EXOC6: variants seen among roughly 807,000 people sequenced by gnomAD.
EXOC6 encodes exocyst complex component 6.
In EXOC6, 60 loss-of-function variants were observed where a neutral mutation model predicts 112.5. The observed-to-expected ratio is 0.53, with a 90% CI of 0.43 to 0.66. EXOC6 has a LOEUF of 0.66. EXOC6 is among the 30% of genes least tolerant of loss of function. The pLI is 0.00. For missense variants in EXOC6, 855 were observed against 957.1 expected (o/e 0.89, Z 1.41); for synonymous variants, 295 against 308.0 (o/e 0.96, Z 0.44).
chr10:92,939,431 CA>C (rs1308594354), intron 12 of EXOC6, among the ~76,000 whole-genome samples: 1 of 151,332 alleles, frequency 6.6e-6, no homozygotes, highest in Admixed American at 6.6e-5. Context: ...GTGTGTGTGG[CA>C]GGGGTGGGGT....
At chr10:92,853,787 G>C (rs1006231683) in intron 1 of EXOC6, among the ~76,000 whole-genome samples, 4 of 152,066 alleles carry the variant, frequency 2.6e-5, no homozygotes, top group African/African-American at 7.2e-5. Flanking sequence ...AAGACTACTA[G>C]AAAACATAGG....
chr10:93,058,465 GAGAAGATAC>G lies in EXOC6; in HGVS notation c.*112_*120del. The G allele has an allele frequency of 2.3e-6, 2 of 860,176 alleles. No individual in the cohort carries two copies. The highest frequency in any genetic ancestry group is 6.1e-5 in the South Asian group (2 of 32,930). The allele number at this position is 860,176 out of a possible 1,614,324, so 53.3% of individuals were successfully genotyped here. On this transcript the variant is annotated 3_prime_UTR_variant, in exon 22 of 22. Transcript: ENST00000260762. ...GTTTACAGAATCCAAAAATACAATA[GAGAAGATAC>G]ATGAGGGCTTAAACAAGAAATAGTA...
At chr10:92,840,253 A>G (rs1005499861) in intron 1 of EXOC6, among the ~76,000 whole-genome samples, 1 of 152,192 alleles carries the variant, frequency 6.6e-6, no homozygotes, top group South Asian at 2.1e-4. Context: ...TTATAAATGT[A>G]AGATTTGTAT....
chr10:92,849,248 G>A (rs1847209225), intron 1 of EXOC6, among the ~76,000 whole-genome samples: 1 of 152,188 alleles, frequency 6.6e-6, no homozygotes, highest in African/African-American at 2.4e-5. Context: ...GCTGCTTGCT[G>A]CTTGGGAACA....
At chr10:92,956,904 T>C (rs541504828) in intron 17 of EXOC6, among the ~76,000 whole-genome samples, 1 of 152,200 alleles carries the variant, frequency 6.6e-6, no homozygotes, top group South Asian at 2.1e-4. Flanking sequence ...ATGATTATTA[T>C]GAGGAGTAAG....
At chr10:93,054,011 G>A (rs773873670) in intron 20 of EXOC6, among the ~76,000 whole-genome samples, 3 of 152,174 alleles carry the variant, frequency 2.0e-5, no homozygotes, top group East Asian at 1.9e-4. Context: ...TAGACTGAGC[G>A]GAATGAGCAG....
intron 1 of EXOC6, among the ~76,000 whole-genome samples, chr10:92,828,696 G>C (rs1276021989): frequency 3.6e-4 from 7 of 19,480 alleles, no homozygotes; most frequent in East Asian, 3.9e-4. Flanking sequence ...GTGTCTGTGT[G>C]TGTGTGTGTG....
intron 17 of EXOC6, among the ~76,000 whole-genome samples, chr10:92,972,374 G>A (rs1842334935): frequency 6.6e-6 from 1 of 152,132 alleles, no homozygotes; most frequent in Admixed American, 6.5e-5. Flanking sequence ...TCAAGAGAGG[G>A]GAGTGCAGGC....
intron 20 of EXOC6, among the ~76,000 whole-genome samples, chr10:93,026,478 C>A (rs897573616): frequency 2.0e-5 from 3 of 152,142 alleles, no homozygotes; most frequent in African/African-American, 7.2e-5. Flanking sequence ...GCATACCTTG[C>A]TTTACTGTGC....
chr10:92,838,290 C>A (rs1337455112), intron 1 of EXOC6, among the ~76,000 whole-genome samples: 1 of 152,204 alleles, frequency 6.6e-6, no homozygotes, highest in Non-Finnish European at 1.5e-5. Context: ...CCTTTCACCC[C>A]ACCAGGCTGT....
chr10:92,916,447 T>C (rs1474458255), intron 7 of EXOC6, among the ~76,000 whole-genome samples: 1 of 151,860 alleles, frequency 6.6e-6, no homozygotes, highest in African/African-American at 2.4e-5. Flanking sequence ...GAGGTGGAGG[T>C]TGTAGTGAGC....
chr10:92,889,068 T>G (rs982581100), intron 1 of EXOC6, among the ~76,000 whole-genome samples: 5 of 152,200 alleles, frequency 3.3e-5, no homozygotes, highest in African/African-American at 1.2e-4. Flanking sequence ...TAGGTGTTAG[T>G]GGTAGTCAGA....
chr10:92,845,874 G>T (rs1371761291), upstream of EXOC6, among the ~76,000 whole-genome samples: 1 of 152,184 alleles, frequency 6.6e-6, no homozygotes, highest in Non-Finnish European at 1.5e-5. Context: ...GGAGGCGGAG[G>T]TTGCAGTGAG....
chr10:92,991,778 A>T (rs960155365), intron 18 of EXOC6, among the ~76,000 whole-genome samples: 2 of 151,652 alleles, frequency 1.3e-5, no homozygotes, highest in Non-Finnish European at 2.9e-5. Flanking sequence ...TCTTAAGAGT[A>T]GACATTTCTG....
At chr10:92,852,907 A>C (rs567422634) in intron 1 of EXOC6, among the ~76,000 whole-genome samples, 14 of 152,284 alleles carry the variant, frequency 9.2e-5, no homozygotes, top group African/African-American at 3.1e-4. Context: ...AGAATGTTGA[A>C]TATAAGGCCG....
chr10:93,038,625 C>G (rs1250964641), intron 20 of EXOC6, among the ~76,000 whole-genome samples: 1 of 152,166 alleles, frequency 6.6e-6, no homozygotes, highest in Non-Finnish European at 1.5e-5. Flanking sequence ...CAATATTGAG[C>G]TTTCCAGTGG....
chr10:93,039,224 C>A (rs1845656492), intron 20 of EXOC6, among the ~76,000 whole-genome samples: 1 of 152,218 alleles, frequency 6.6e-6, no homozygotes, highest in African/African-American at 2.4e-5. Flanking sequence ...ATTCTCTAAA[C>A]TTCCTCTTAG....
At chr10:92,991,297 A>T (rs906271810) in intron 18 of EXOC6, among the ~76,000 whole-genome samples, 3 of 151,820 alleles carry the variant, frequency 2.0e-5, no homozygotes, top group African/African-American at 7.3e-5. Flanking sequence ...TTAGCCGGGC[A>T]TGGTCCCTCA....
At chr10:93,026,643 C>G (rs1564921049) in intron 20 of EXOC6, among the ~76,000 whole-genome samples, 1 of 152,132 alleles carries the variant, frequency 6.6e-6, no homozygotes, top group Non-Finnish European at 1.5e-5. Context: ...GTATTTCAAA[C>G]TTTTTCATTA....
Sources: gnomAD v4.1 joint callset for allele counts (sites outside exome capture counted in the v4.1 genomes callset) on GRCh38, gnomAD v4.1.1 for gene constraint, MANE v1.5 for transcripts, NCBI Gene and HGNC (gene_info 2026-07-23, HGNC 2026-07-21) for gene names.